The following TAF3 variants were observed in gnomAD, a reference collection of about 807,000 sequenced individuals.
TAF3 encodes TATA-box binding protein associated factor 3, also known as transcription initiation factor TFIID subunit 3.
A neutral mutation model predicts 80.6 loss-of-function variants in TAF3; 7 were observed. The observed-to-expected ratio is 0.09, with a 90% confidence interval of 0.05 to 0.16. TAF3 has a LOEUF of 0.16. Ranked by LOEUF, TAF3 falls within the 10% of genes least tolerant of loss-of-function variation. TAF3 has a pLI of 1.00. For synonymous variants in TAF3, 444 were observed against 446.1 expected (o/e 1.00, Z 0.06); for missense variants, 921 against 1,140.2 (o/e 0.81, Z 2.77).
intron 2 of TAF3, among the ~76,000 whole-genome samples, chr10:7,871,254 A>T (rs1837262239): frequency 1.3e-5 from 2 of 152,070 alleles, no homozygotes; most frequent in Admixed American, 1.3e-4. Context: ...CAAACAAAGG[A>T]AATATTAGTA....
chr10:7,961,763 T>C (rs1217482227), intron 2 of TAF3, among the ~76,000 whole-genome samples: 2 of 152,220 alleles, frequency 1.3e-5, no homozygotes, highest in Admixed American at 1.3e-4. Flanking sequence ...GGGATTGAGC[T>C]AATAATCATT....
At chr10:7,930,762 C>G (rs934441277) in intron 2 of TAF3, among the ~76,000 whole-genome samples, 4 of 152,018 alleles carry the variant, frequency 2.6e-5, no homozygotes, top group African/African-American at 9.6e-5. Context: ...TAGATATACT[C>G]GATACTGGTA....
At chr10:7,872,212 G>GTTTTTTTTT (rs1588533523) in intron 2 of TAF3, among the ~76,000 whole-genome samples, 1 of 36,988 alleles carries the variant, frequency 2.7e-5, no homozygotes, top group East Asian at 1.0e-3. Context: ...GTGTTGGGTT[G>GTTTTTTTTT]ATTTTTTTTT....
intron 2 of TAF3, among the ~76,000 whole-genome samples, chr10:7,858,673 A>G (rs1001848875): frequency 6.6e-6 from 1 of 152,232 alleles, no homozygotes; most frequent in African/African-American, 2.4e-5. Context: ...TTAGGATTGC[A>G]GTGAGTTTAA....
intron 4 of TAF3, among the ~76,000 whole-genome samples, chr10:8,007,612 CT>C (rs1210747739): frequency 0.028 from 1,165 of 41,114 alleles, 61 homozygotes; most frequent in African/African-American, 0.1. Context: ...ATATATATAC[CT>C]TTTTTTTTTA....
chr10:7,956,218 G>A (rs1055731173), intron 2 of TAF3, among the ~76,000 whole-genome samples: 4 of 152,066 alleles, frequency 2.6e-5, no homozygotes, highest in East Asian at 1.9e-4. Context: ...GGCCGGGCGC[G>A]GTGTCTCACG....
intron 2 of TAF3, among the ~76,000 whole-genome samples, chr10:7,830,685 T>C (rs1224089934): frequency 5.3e-5 from 8 of 152,094 alleles, no homozygotes; most frequent in Non-Finnish European, 1.0e-4. Flanking sequence ...GGTTTCACCA[T>C]GTTGGCCAGG....
intron 4 of TAF3, among the ~76,000 whole-genome samples, chr10:7,993,224 G>T (rs1831850863): frequency 6.6e-6 from 1 of 152,124 alleles, no homozygotes; most frequent in Non-Finnish European, 1.5e-5. Context: ...TGTCGCCCAG[G>T]CTGGAATGCA....
intron 2 of TAF3, among the ~76,000 whole-genome samples, chr10:7,854,167 A>G (rs1837055981): frequency 2.0e-5 from 3 of 152,240 alleles, no homozygotes; most frequent in African/African-American, 7.2e-5. Context: ...TGGAAATTGA[A>G]TAAGAAGTAA....
rs1323617345 is a variant in TAF3, at chr10:7,878,695, ATGTATG to A, written c.409+54137_409+54142del. Among the ~76,000 whole-genome samples, 15 of 8,146 alleles carry A rather than the reference ATGTATG, an allele frequency of 1.8e-3. 1 individual carries two copies. The highest frequency in any genetic ancestry group is 3.2e-3 in the Admixed American group (1 of 308). 5.3% of individuals were successfully genotyped at this position (8,146 alleles called of 152,430 possible). On this transcript the variant is annotated intron_variant, in intron 2 of 6. Coordinates refer to ENST00000344293, the MANE Select transcript of TAF3 (RefSeq NM_031923.4). ...GCACTATAATTAATTCAACCAATGT[ATGTATG>A]TATGTATGTATGTATGTATGTATGT...
At chr10:7,978,827 C>T (rs1251422867) in intron 4 of TAF3, among the ~76,000 whole-genome samples, 1 of 152,238 alleles carries the variant, frequency 6.6e-6, no homozygotes, top group Non-Finnish European at 1.5e-5. Context: ...TTAATCTTGA[C>T]TCCCACACAG....
intron 2 of TAF3, among the ~76,000 whole-genome samples, chr10:7,924,564 T>A (rs559962862): frequency 5.2e-4 from 79 of 152,210 alleles, no homozygotes; most frequent in Non-Finnish European, 9.0e-4. Flanking sequence ...CTCTTTAACC[T>A]TTCCTAACAC....
intron 2 of TAF3, among the ~76,000 whole-genome samples, chr10:7,902,222 G>A (rs184493105): frequency 2.0e-5 from 3 of 152,226 alleles, no homozygotes; most frequent in African/African-American, 4.8e-5. Flanking sequence ...TCGGGAGTTC[G>A]AGATCAGCCT....
intron 2 of TAF3, 88 bp from the exon 3 acceptor site, chr10:7,963,832 A>T: frequency 7.9e-7 from 1 of 1,270,578 alleles, no homozygotes; most frequent in Non-Finnish European, 1.1e-6. Context: ...GAAAAAAGAA[A>T]TCATATTTGA....
chr10:7,863,541 C>T lies in TAF3; in HGVS notation c.409+38981C>T, dbSNP rs544335498. Among the ~76,000 whole-genome samples the T allele has an allele frequency of 1.3e-3, 185 of 141,536 alleles. 3 individuals are homozygous for T. The highest frequency in any genetic ancestry group is 7.7e-4 in the Non-Finnish European group (51 of 66,318). 92.9% of individuals were successfully genotyped at this position (141,536 alleles called of 152,430 possible). A position where few individuals can be genotyped will look rare whatever the true frequency, so the allele number is the denominator to read the frequency against. Reference sequence around the variant, plus strand: ...AGGAGAATAGCTTGAACCTCAGAGGCGGAGGTTGCAGCGAGCTGAGATCGC... The same window carrying T: ...AGGAGAATAGCTTGAACCTCAGAGGTGGAGGTTGCAGCGAGCTGAGATCGC... On this transcript the variant is annotated intron_variant, in intron 2 of 6. Transcript: ENST00000344293.
chr10:7,983,706 G>A (rs1831749522), intron 4 of TAF3, among the ~76,000 whole-genome samples: 1 of 152,280 alleles, frequency 6.6e-6, no homozygotes, highest in South Asian at 2.1e-4. Context: ...GGACGTAGTG[G>A]CGTGCACCTA....
chr10:7,855,441 C>T lies in TAF3; in HGVS notation c.409+30881C>T, dbSNP rs374197487. On this transcript the variant is annotated intron_variant, in intron 2 of 6. Coordinates refer to ENST00000344293, the MANE Select transcript of TAF3 (RefSeq NM_031923.4). ...CATGGAATGTGAATACACCGGATGC[C>T]GAGATGTCCAGCCTCCTTCCATTTG... Among the ~76,000 whole-genome samples, 29 of 152,262 alleles carry T rather than the reference C, an allele frequency of 1.9e-4. 1 individual carries two copies. The highest frequency in any genetic ancestry group is 6.0e-4 in the African/African-American group (25 of 41,544).
intron 2 of TAF3, among the ~76,000 whole-genome samples, chr10:7,887,628 G>C (rs1837420784): frequency 6.6e-6 from 1 of 152,066 alleles, no homozygotes; most frequent in African/African-American, 2.4e-5. Flanking sequence ...TGACTGCCTG[G>C]GACTAAAACA....
intron 3 of TAF3, among the ~76,000 whole-genome samples, chr10:7,966,086 C>T (rs1487530260): frequency 6.6e-6 from 1 of 152,130 alleles, no homozygotes; most frequent in Non-Finnish European, 1.5e-5. Context: ...AAGTGTACTG[C>T]ATTATATTTT....
Sources: gnomAD v4.1 joint callset for allele counts (sites outside exome capture counted in the v4.1 genomes callset) on GRCh38, gnomAD v4.1.1 for gene constraint, MANE v1.5 for transcripts, NCBI Gene and HGNC (gene_info 2026-07-23, HGNC 2026-07-21) for gene names.